SPECC1: variants seen among roughly 807,000 people sequenced by gnomAD.
The protein encoded by SPECC1 is cytospin-B.
A neutral mutation model predicts 104.1 loss-of-function variants in SPECC1; 62 were observed. The ratio of observed to expected loss-of-function variants is 0.60; its 90% CI spans 0.49 to 0.74. The LOEUF is 0.74. Ranked by LOEUF, SPECC1 falls within the 30% of genes least tolerant of loss-of-function variation. The pLI, the probability that SPECC1 is intolerant of heterozygous loss-of-function variation, is 0.00. For synonymous variants in SPECC1, 513 were observed against 501.6 expected (o/e 1.02, Z -0.30); for missense variants, 1,306 against 1,310.5 (o/e 1.00, Z 0.05).
At chr17:20,238,121 T>C in intron 7 of SPECC1, 1 of 1,029,076 alleles carries the variant, frequency 9.7e-7, no homozygotes, top group Non-Finnish European at 1.2e-6. Flanking sequence ...GCCTCCAAGC[T>C]TTGGGTTGAT....
chr17:20,140,864 A>G lies in SPECC1; in HGVS notation c.283+30302A>G, dbSNP rs140692754. Reference sequence around the variant, plus strand: ...TCACTTCTCTGCTCGAAAACCTTCAAGCACTCCTCACTGGTTGAGGGGCCA... The same window carrying G: ...TCACTTCTCTGCTCGAAAACCTTCAGGCACTCCTCACTGGTTGAGGGGCCA... On this transcript the variant is annotated intron_variant, in intron 3 of 14. Transcript: ENST00000395527. 1.0e-3 allele frequency among the ~76,000 whole-genome samples: 157 copies of G among 152,346 alleles called. 1 individual carries two copies. Among genetic ancestry groups the G allele is most frequent in the Admixed American group, 2.1e-3 (32 of 15,302 alleles).
intron 3 of SPECC1, among the ~76,000 whole-genome samples, chr17:20,144,945 A>G (rs959074908): frequency 1.3e-5 from 2 of 152,194 alleles, no homozygotes; most frequent in Non-Finnish European, 2.9e-5. Context: ...TTTCATTTAG[A>G]TTATAGCAAG....
chr17:20,226,774 C>CT (rs921474071), intron 4 of SPECC1, among the ~76,000 whole-genome samples: 1 of 152,214 alleles, frequency 6.6e-6, no homozygotes, highest in Admixed American at 6.5e-5. Context: ...CCGACATTCT[C>CT]TATCACATTT....
At position 20,128,045 on chromosome 17, in the gene SPECC1, A is replaced by G. The variant is rs550392223; in HGVS notation, c.283+17483A>G. On this transcript the variant is annotated intron_variant, in intron 3 of 14. Transcript: ENST00000395527. ...AAAATCAATATAATGCTGTACCTAT[A>G]ATGTAGAGAAGAAATAAAAGGCAAA... Among the ~76,000 whole-genome samples the G allele has an allele frequency of 5.9e-5, 9 of 152,312 alleles. No individual in the cohort carries two copies. In the East Asian group the frequency reaches 1.7e-3, roughly 29 times the overall value.
chr17:20,305,883 C>A (rs890226245), intron 13 of SPECC1, 140 bp from the exon 14 acceptor site: 11 of 638,706 alleles, frequency 1.7e-5, no homozygotes, highest in African/African-American at 1.3e-4. Context: ...AAACTGAGAT[C>A]AAATATTGTA....
chr17:20,043,152 T>G (rs1208033074), intron 1 of SPECC1, among the ~76,000 whole-genome samples: 1 of 152,194 alleles, frequency 6.6e-6, no homozygotes, highest in Non-Finnish European at 1.5e-5. Context: ...TCCCTTGTGA[T>G]TAGCTTCAAA....
In SPECC1 at chr17:20,204,235, G is replaced by C. The variant is rs563035706; in HGVS notation, c.284-98G>C. 8.5e-5 allele frequency: 119 copies of C among 1,396,370 alleles called. 1 individual carries two copies. In the African/African-American group the frequency reaches 1.4e-3, roughly 17 times the overall value. 86.5% of individuals were successfully genotyped at this position (1,396,370 alleles called of 1,614,324 possible). A position where few individuals can be genotyped will look rare whatever the true frequency, so the allele number is the denominator to read the frequency against. On this transcript the variant is annotated intron_variant, in intron 3 of 14. Coordinates refer to ENST00000395527, the MANE Select transcript of SPECC1 (RefSeq NM_001243439.2). The stretch of plus-strand genomic sequence containing the variant: ...AGGAGGAAATGGATGAAGAGCGACA[G>C]CCACTGTCCACTGTGCCATGTGATT...
At chr17:20,264,703 C>T (rs1219921180) in intron 12 of SPECC1, among the ~76,000 whole-genome samples, 3 of 151,920 alleles carry the variant, frequency 2.0e-5, no homozygotes, top group African/African-American at 4.8e-5. Context: ...AACTCCTGAC[C>T]TCAGGTGATC....
chr17:20,280,516 A>T (rs1043707216), intron 12 of SPECC1, among the ~76,000 whole-genome samples: 2 of 152,208 alleles, frequency 1.3e-5, no homozygotes, highest in Non-Finnish European at 2.9e-5. Flanking sequence ...GGTGCAGAAC[A>T]TGCCACCATC....
intron 9 of SPECC1, among the ~76,000 whole-genome samples, chr17:20,250,383 A>G (rs1035456886): frequency 6.6e-6 from 1 of 152,230 alleles, no homozygotes; most frequent in African/African-American, 2.4e-5. Flanking sequence ...TGACAAGAAA[A>G]GCTAATGCAA....
At chr17:20,172,109 A>G (rs1027532884) in intron 3 of SPECC1, among the ~76,000 whole-genome samples, 1 of 152,208 alleles carries the variant, frequency 6.6e-6, no homozygotes, top group African/African-American at 2.4e-5. Flanking sequence ...ATAAAGTGTC[A>G]CTGCACAAGC....
At chr17:20,057,386 A>G (rs1293380729) in intron 1 of SPECC1, among the ~76,000 whole-genome samples, 3 of 152,216 alleles carry the variant, frequency 2.0e-5, no homozygotes, top group Non-Finnish European at 4.4e-5. Context: ...GCTTGCAGTG[A>G]GCCAAGATCA....
chr17:20,241,500 T>G (rs547250248), intron 7 of SPECC1, among the ~76,000 whole-genome samples: 1 of 152,204 alleles, frequency 6.6e-6, no homozygotes, highest in Non-Finnish European at 1.5e-5. Flanking sequence ...CTCCATTTTC[T>G]TTGGAAGGGA....
At chr17:20,021,654 G>T (rs941204465) in intron 1 of SPECC1, among the ~76,000 whole-genome samples, 1 of 120,942 alleles carries the variant, frequency 8.3e-6, no homozygotes, top group African/African-American at 2.7e-5. Context: ...GGATTCCCAA[G>T]GCTCTGATAT....
chr17:20,109,801 C>CT (rs2048393118), intron 2 of SPECC1, among the ~76,000 whole-genome samples: 1 of 152,106 alleles, frequency 6.6e-6, no homozygotes, highest in African/African-American at 2.4e-5. Context: ...TCTCCCAGTT[C>CT]TTTTTTCATT....
intron 2 of SPECC1, among the ~76,000 whole-genome samples, chr17:20,105,662 T>C (rs1251038509): frequency 6.6e-6 from 1 of 152,186 alleles, no homozygotes; most frequent in Non-Finnish European, 1.5e-5. Context: ...CTGCTACTGC[T>C]TCACCCCTGT....
intron 12 of SPECC1, among the ~76,000 whole-genome samples, chr17:20,279,794 G>A (rs562700012): frequency 6.6e-6 from 1 of 152,304 alleles, no homozygotes; most frequent in African/African-American, 2.4e-5. Flanking sequence ...CCAGAGCTGT[G>A]GTTTTGGAAG....
intron 3 of SPECC1, chr17:20,156,228 C>T (rs866722645): frequency 7.1e-7 from 1 of 1,404,706 alleles, no homozygotes; most frequent in Non-Finnish European, 9.3e-7. Flanking sequence ...CCCGAGGATC[C>T]GGAACCAGGT....
intron 3 of SPECC1, chr17:20,112,885 G>A: frequency 6.3e-7 from 1 of 1,576,796 alleles, no homozygotes. Flanking sequence ...ATTGTGATCT[G>A]TCTGGGTGTG....
Sources: allele counts gnomAD v4.1 joint callset (sites outside exome capture counted in the v4.1 genomes callset), GRCh38; gene constraint gnomAD v4.1.1; transcripts MANE v1.5; gene names NCBI Gene and HGNC (gene_info 2026-07-23, HGNC 2026-07-21).